The following PDE4D variants were observed in gnomAD, a reference collection of about 807,000 sequenced individuals.
PDE4D encodes 3',5'-cyclic-AMP phosphodiesterase 4D.
Under a neutral mutation model 87.4 loss-of-function variants are expected in PDE4D, and 24 were observed. The observed-to-expected ratio is 0.27, with a 90% CI of 0.20 to 0.39. The LOEUF (loss-of-function observed/expected upper bound fraction) is 0.39. PDE4D is among the 10% of genes least tolerant of loss of function. PDE4D has a pLI of 1.00. For synonymous variants in PDE4D, 384 were observed against 383.2 expected (o/e 1.00, Z -0.02); for missense variants, 714 against 1,041.0 (o/e 0.69, Z 4.32).
chr5:60,411,022 T>C (rs1034328402), intron 1 of PDE4D, among the ~76,000 whole-genome samples: 10 of 152,158 alleles, frequency 6.6e-5, no homozygotes, highest in Non-Finnish European at 1.5e-5. Context: ...CCAGGTCAGT[T>C]TTGCAGCTAA....
chr5:59,964,449 A>G (rs1236400845), intron 3 of PDE4D, among the ~76,000 whole-genome samples: 2 of 152,102 alleles, frequency 1.3e-5, no homozygotes, highest in African/African-American at 2.4e-5. Flanking sequence ...TTCTTTAACA[A>G]TACCCAGCTT....
At chr5:59,185,802 A>G (rs1742778250) in intron 3 of PDE4D, among the ~76,000 whole-genome samples, 1 of 152,202 alleles carries the variant, frequency 6.6e-6, no homozygotes, top group South Asian at 2.1e-4. Flanking sequence ...GTGCATTGTA[A>G]GAAGCTCTCA....
chr5:59,544,829 A>G (rs1017534749), intron 1 of PDE4D, among the ~76,000 whole-genome samples: 1 of 152,212 alleles, frequency 6.6e-6, no homozygotes, highest in African/African-American at 2.4e-5. Context: ...GAACATAGGC[A>G]CAATTTCTAG....
intron 5 of PDE4D, among the ~76,000 whole-genome samples, chr5:59,132,195 T>C (rs1198271892): frequency 3.3e-5 from 5 of 152,172 alleles, no homozygotes; most frequent in Admixed American, 2.6e-4. Flanking sequence ...CCCACCGTTC[T>C]TTGGAATAAG....
At chr5:59,186,741 A>G (rs534747281) in intron 3 of PDE4D, among the ~76,000 whole-genome samples, 34 of 152,342 alleles carry the variant, frequency 2.2e-4, no homozygotes, top group African/African-American at 6.0e-4. Flanking sequence ...TAAGAAGCCA[A>G]CCGTGATTAA....
intron 1 of PDE4D, among the ~76,000 whole-genome samples, chr5:59,299,810 G>T (rs1276251716): frequency 1.3e-5 from 2 of 151,796 alleles, no homozygotes; most frequent in Non-Finnish European, 2.9e-5. Flanking sequence ...AGAAACACTG[G>T]AATAAAAAAA....
intron 1 of PDE4D, among the ~76,000 whole-genome samples, chr5:60,305,071 AAC>A (rs1207573675): frequency 6.9e-6 from 1 of 145,722 alleles, no homozygotes; most frequent in Non-Finnish European, 1.5e-5. Context: ...ACACACACAC[AAC>A]ACACAACAGG....
chr5:59,355,470 T>C (rs1781234637), intron 1 of PDE4D, among the ~76,000 whole-genome samples: 1 of 152,202 alleles, frequency 6.6e-6, no homozygotes, highest in South Asian at 2.1e-4. Flanking sequence ...ACAGTAATGT[T>C]AGCAAATCAT....
In PDE4D at chr5:59,379,197, G is replaced by A. The variant is rs368192648; in HGVS notation, c.456-163229C>T. 3.9e-5 allele frequency among the ~76,000 whole-genome samples: 6 copies of A among 152,202 alleles called. No individual in the cohort carries two copies. In the East Asian group the frequency reaches 7.7e-4, roughly 20 times the overall value. ...GCTAAAAAAGTGACTCTAATGATGTGTCTGCGTAACAATCAATAATTCATT... is the reference window on the plus strand; with the variant it reads ...GCTAAAAAAGTGACTCTAATGATGTATCTGCGTAACAATCAATAATTCATT... On this transcript the variant is annotated intron_variant, in intron 1 of 14. Coordinates refer to ENST00000340635, the MANE Select transcript of PDE4D (RefSeq NM_001104631.2).
chr5:60,346,775 A>G (rs925710941), intron 1 of PDE4D, among the ~76,000 whole-genome samples: 1 of 152,140 alleles, frequency 6.6e-6, no homozygotes, highest in Non-Finnish European at 1.5e-5. Flanking sequence ...ACATTTCATG[A>G]TTTTGATTCC....
intron 2 of PDE4D, among the ~76,000 whole-genome samples, chr5:60,060,788 A>G (rs72753266): frequency 7.9e-5 from 12 of 152,168 alleles, no homozygotes; most frequent in Non-Finnish European, 1.6e-4. Flanking sequence ...GTAGGTTTGC[A>G]TAGATCTATT....
At chr5:59,336,109 T>C (rs989551509) in intron 1 of PDE4D, among the ~76,000 whole-genome samples, 3 of 152,208 alleles carry the variant, frequency 2.0e-5, no homozygotes, top group African/African-American at 7.2e-5. Context: ...CTTTTTGCTG[T>C]GACTCTGAAG....
intron 1 of PDE4D, among the ~76,000 whole-genome samples, chr5:59,442,947 T>C (rs73758699): frequency 0.018 from 2,753 of 152,284 alleles, 100 homozygotes; most frequent in African/African-American, 0.061. Context: ...CCCACCACTA[T>C]ACAACATTAA....
chr5:60,313,556 A>G (rs955855453), intron 1 of PDE4D, among the ~76,000 whole-genome samples: 1 of 152,222 alleles, frequency 6.6e-6, no homozygotes, highest in African/African-American at 2.4e-5. Context: ...AAAACTGACT[A>G]GGAGGGACTC....
At chr5:59,916,815 T>C (rs1003400809) in intron 3 of PDE4D, among the ~76,000 whole-genome samples, 2 of 151,480 alleles carry the variant, frequency 1.3e-5, no homozygotes, top group East Asian at 3.9e-4. Flanking sequence ...TGAGACAGAG[T>C]CTCACTCTAC....
intron 1 of PDE4D, among the ~76,000 whole-genome samples, chr5:59,336,309 T>C (rs999325335): frequency 6.6e-6 from 1 of 152,226 alleles, no homozygotes; most frequent in Non-Finnish European, 1.5e-5. Context: ...AAAGGGAAAC[T>C]TTCGTAGAAA....
At chr5:59,193,874 T>A in intron 2 of PDE4D, 1 of 687,120 alleles carries the variant, frequency 1.5e-6, no homozygotes, top group Non-Finnish European at 1.8e-6. Context: ...TAGATATTAG[T>A]AAGGGGTGCT....
chr5:59,370,016 C>T (rs1783699917), intron 1 of PDE4D, among the ~76,000 whole-genome samples: 1 of 152,150 alleles, frequency 6.6e-6, no homozygotes, highest in South Asian at 2.1e-4. Flanking sequence ...TTCTCTCACT[C>T]TATGTAAAAA....
chr5:60,309,294 C>T (rs1754788533), intron 1 of PDE4D, among the ~76,000 whole-genome samples: 2 of 152,104 alleles, frequency 1.3e-5, no homozygotes, highest in African/African-American at 2.4e-5. Context: ...ACAATGAATT[C>T]TGTTTCCTAC....
Sources: gnomAD v4.1 joint callset for allele counts (sites outside exome capture counted in the v4.1 genomes callset) on GRCh38, gnomAD v4.1.1 for gene constraint, MANE v1.5 for transcripts, NCBI Gene and HGNC (gene_info 2026-07-23, HGNC 2026-07-21) for gene names.